RC3H2: variants seen among roughly 807,000 people sequenced by gnomAD.
RC3H2 encodes the protein roquin-2.
A neutral mutation model predicts 133.3 loss-of-function variants in RC3H2; 31 were observed. That is an observed-to-expected ratio of 0.23 (90% CI 0.17 to 0.31). RC3H2 has a LOEUF of 0.31. RC3H2 is among the 10% of genes least tolerant of loss of function. RC3H2 has a pLI of 1.00. For missense variants in RC3H2, 1,175 were observed against 1,437.2 expected (o/e 0.82, Z 2.95); for synonymous variants, 517 against 502.2 (o/e 1.03, Z -0.40).
At chr9:122,902,029 A>G (rs1231646449) in intron 1 of RC3H2, among the ~76,000 whole-genome samples, 1 of 149,852 alleles carries the variant, frequency 6.7e-6, no homozygotes, top group Non-Finnish European at 1.5e-5. Context: ...TCCCGGGTTC[A>G]AGCGATTCTC....
chr9:122,858,940 G>A lies in RC3H2; in HGVS notation c.2012C>T (p.Pro671Leu), dbSNP rs1381651712. The change falls in exon 12 of 21, where the codon CCT becomes CTT. Residue 671 changes from proline to leucine, a missense_variant. This residue lies in a region of RC3H2 where 490 missense variants were observed against 492.8 expected (regional missense o/e 0.99). Coordinates refer to ENST00000357244, the MANE Select transcript of RC3H2 (RefSeq NM_001100588.3). ...CGGCTGCGGAGGAGGAGGCTGGTAAGGAGAAGAATTCATTCGATCTCGAGG... is the reference window on the plus strand; with the variant it reads ...CGGCTGCGGAGGAGGAGGCTGGTAAAGAGAAGAATTCATTCGATCTCGAGG... ...FSPRDRMNSS[P>L]YQPPPPQPYG... The A allele has an allele frequency of 6.2e-7, 1 of 1,614,080 alleles. No individual in the cohort carries two copies. The highest frequency in any genetic ancestry group is 8.5e-7 in the Non-Finnish European group (1 of 1,180,036).
rs1416739003 is a variant in RC3H2 at position 122,846,456 on chromosome 9, C to A, written c.*3171G>T. ...GGAATCTGCTTTGTTCAGGTACCAA[C>A]TAGAAAAAATATATATGTAACTTCC... On this transcript the variant is annotated 3_prime_UTR_variant, in exon 21 of 21. Coordinates refer to ENST00000357244, the MANE Select transcript of RC3H2 (RefSeq NM_001100588.3). The A allele has an allele frequency of 6.6e-6, 1 of 151,936 alleles. No homozygotes were observed. The highest frequency in any genetic ancestry group is 1.9e-4 in the East Asian group (1 of 5,196). The allele number at this position is 151,936 out of a possible 1,614,324, so 9.4% of individuals were successfully genotyped here.
At chr9:122,866,529 G>A (rs537273653) in intron 9 of RC3H2, among the ~76,000 whole-genome samples, 175 of 151,844 alleles carry the variant, frequency 1.2e-3, no homozygotes, top group African/African-American at 3.1e-3. Context: ...CTCAGCCTGC[G>A]GAGTGCCTGC....
At chr9:122,871,127 A>G (rs1831068316) in intron 9 of RC3H2, among the ~76,000 whole-genome samples, 1 of 152,164 alleles carries the variant, frequency 6.6e-6, no homozygotes, top group South Asian at 2.1e-4. Context: ...CTGCACCTGT[A>G]GCCACATTCC....
rs370484206 is a variant in RC3H2, at chr9:122,866,374, TCCCCC to T, written c.1326-722_1326-718del. On this transcript the variant is annotated intron_variant, in intron 9 of 20. Transcript: ENST00000357244. The stretch of plus-strand genomic sequence containing the variant: ...AAATGTCTCCCTCTCCCCCTCCCCC[TCCCCC>T]CTCCCTCTCCCCACGGTCTCCCTCT... 9.0e-4 allele frequency among the ~76,000 whole-genome samples: 20 copies of T among 22,314 alleles called. No individual in the cohort carries two copies. In the East Asian group the frequency reaches 0.016, roughly 18 times the overall value. The allele number at this position is 22,314 out of a possible 152,430, so 14.6% of individuals were successfully genotyped here.
intron 3 of RC3H2, among the ~76,000 whole-genome samples, chr9:122,892,528 C>T (rs1226221617): frequency 6.6e-6 from 1 of 152,112 alleles, no homozygotes; most frequent in Non-Finnish European, 1.5e-5. Context: ...TCTCCTGCCT[C>T]AGCCTCCGGA....
chr9:122,861,773 T>G (rs2131400468), intron 10 of RC3H2, among the ~76,000 whole-genome samples: 1 of 152,304 alleles, frequency 6.6e-6, no homozygotes, highest in Middle Eastern at 3.4e-3. Context: ...TGCCTTTAAG[T>G]TTATCACAGA....
chr9:122,863,275 AT>A, intron 10 of RC3H2, among the ~76,000 whole-genome samples: 1 of 152,330 alleles, frequency 6.6e-6, no homozygotes, highest in South Asian at 2.1e-4. Context: ...TGAATTTTCC[AT>A]TGTATGGATA....
intron 10 of RC3H2, among the ~76,000 whole-genome samples, chr9:122,862,961 T>C (rs1373809554): frequency 2.0e-5 from 3 of 152,102 alleles, no homozygotes; most frequent in African/African-American, 7.2e-5. Flanking sequence ...CAGTTCATTA[T>C]TTTAGGGTGT....
At chr9:122,894,478 T>C (rs534905415) in intron 2 of RC3H2, among the ~76,000 whole-genome samples, 2 of 152,206 alleles carry the variant, frequency 1.3e-5, no homozygotes, top group South Asian at 2.1e-4. Context: ...GGTGAAATTA[T>C]AGAGCAAAGA....
At chr9:122,851,669 G>C (rs548600775) in intron 18 of RC3H2, 12 of 471,616 alleles carry the variant, frequency 2.5e-5, no homozygotes, top group Middle Eastern at 6.3e-4. Flanking sequence ...ACTGGTTTTC[G>C]TATTTTTTTG....
intron 18 of RC3H2, among the ~76,000 whole-genome samples, chr9:122,853,312 T>C (rs1830119668): frequency 6.9e-6 from 1 of 145,830 alleles, no homozygotes; most frequent in African/African-American, 2.6e-5. Flanking sequence ...CTGCTGACCT[T>C]CCCTCCACTA....
intron 9 of RC3H2, among the ~76,000 whole-genome samples, chr9:122,868,856 TGTGTGTGTGTGTGTGTGTGTG>T (rs1830900149): frequency 7.8e-5 from 1 of 12,766 alleles, no homozygotes; most frequent in Non-Finnish European, 5.5e-4. Flanking sequence ...TGTGTGTGTG[TGTGTGTGTGTGTGTGTGTGTG>T]TGTGTGTGTG....
chr9:122,853,396 AAG>A, intron 18 of RC3H2, among the ~76,000 whole-genome samples: 2 of 151,674 alleles, frequency 1.3e-5, no homozygotes. Context: ...AAAAAAAAAA[AAG>A]AAAAATACTG....
rs773802890 is a variant in RC3H2, at chr9:122,883,278, G to A, written c.685C>T (p.Pro229Ser). 1 of 1,613,682 alleles carries A rather than the reference G, an allele frequency of 6.2e-7. No homozygotes were observed. Among genetic ancestry groups the A allele is most frequent in the African/African-American group, 1.3e-5 (1 of 75,030 alleles). ...LVLFVVQRLEPRFPQASKTSI... is the reference protein window; with the variant it reads ...LVLFVVQRLESRFPQASKTSI... Reference sequence around the variant, plus strand: ...GTTTTTGATGCCTGAGGAAATCTTGGTTCTAGTCTCTGCACAACAAAAAGT... The same window carrying A: ...GTTTTTGATGCCTGAGGAAATCTTGATTCTAGTCTCTGCACAACAAAAAGT... The change falls in exon 5 of 21, where the codon CCA becomes TCA. Residue 229 changes from proline to serine, a missense_variant. Pro to Ser is a moderately conservative substitution (Grantham distance 74). Transcript: ENST00000357244.
At chr9:122,851,751 G>A (rs914827215) in intron 18 of RC3H2, among the ~76,000 whole-genome samples, 18 of 152,324 alleles carry the variant, frequency 1.2e-4, no homozygotes, top group Admixed American at 3.3e-4. Flanking sequence ...TGCCAGCCTC[G>A]GCCTCCCGAG....
chr9:122,853,612 C>A (rs1588051855), intron 18 of RC3H2: 1 of 409,000 alleles, frequency 2.4e-6, no homozygotes, highest in East Asian at 5.3e-5. Context: ...ATTAGCTGGG[C>A]ATGGTGGTGG....
chr9:122,859,452 A>G (rs1309020532), intron 11 of RC3H2, among the ~76,000 whole-genome samples: 1 of 152,030 alleles, frequency 6.6e-6, no homozygotes, highest in Non-Finnish European at 1.5e-5. Context: ...CACTTTGCTA[A>G]AGTGCTCCTT....
chr9:122,877,011 G>A lies in RC3H2; in HGVS notation c.1325+460C>T, dbSNP rs139151342. Among the ~76,000 whole-genome samples, 10 of 152,262 alleles carry A rather than the reference G, an allele frequency of 6.6e-5. No homozygotes were observed. In the East Asian group the frequency reaches 1.9e-3, roughly 29 times the overall value. ...AAATATGGATTCCAGCTATAAAATG[G>A]TCTCAAAATATGACCACTGAGTAAA... On this transcript the variant is annotated intron_variant, in intron 9 of 20. Coordinates refer to ENST00000357244, the MANE Select transcript of RC3H2 (RefSeq NM_001100588.3).
Sources: gnomAD v4.1 joint callset for allele counts (sites outside exome capture counted in the v4.1 genomes callset) on GRCh38, gnomAD v4.1.1 for gene constraint, gnomAD v4.1.1 regional missense constraint, MANE v1.5 for transcripts, NCBI Gene and HGNC (gene_info 2026-07-23, HGNC 2026-07-21) for gene names.